Variants in ADGRA1 observed in about 807,000 individuals in gnomAD.
The protein encoded by ADGRA1 is adhesion G protein-coupled receptor A1, also known as G-protein coupled receptor 123.
Under a neutral mutation model 21.3 loss-of-function variants are expected in ADGRA1, and 12 were observed. The observed-to-expected ratio is 0.56, with a 90% CI of 0.36 to 0.91. The LOEUF (loss-of-function observed/expected upper bound fraction) is 0.91. ADGRA1 is among the 40% of genes least tolerant of loss of function. ADGRA1 has a pLI of 0.01. For synonymous variants in ADGRA1, 385 were observed against 368.8 expected (o/e 1.04, Z -0.50); for missense variants, 790 against 805.6 (o/e 0.98, Z 0.23).
At chr10:133,128,103 A>T in intron 6 of ADGRA1, among the ~76,000 whole-genome samples, 1 of 115,648 alleles carries the variant, frequency 8.6e-6, no homozygotes, top group East Asian at 2.8e-4. Context: ...CTCTACCCGC[A>T]CCTGGGACAC....
chr10:133,126,125 C>A (rs1378881793), intron 5 of ADGRA1, among the ~76,000 whole-genome samples: 1 of 152,254 alleles, frequency 6.6e-6, no homozygotes, highest in South Asian at 2.1e-4. Context: ...CAAGGCCCAC[C>A]GTGCAGGTCT....
chr10:133,093,398 G>A, intron 2 of ADGRA1: 1 of 1,096,474 alleles, frequency 9.1e-7, no homozygotes, highest in Non-Finnish European at 1.3e-6. Flanking sequence ...ATTAAAATGA[G>A]GGAAAACAGA....
intron 5 of ADGRA1, among the ~76,000 whole-genome samples, chr10:133,103,907 G>C (rs904420995): frequency 6.6e-6 from 1 of 152,198 alleles, no homozygotes; most frequent in South Asian, 2.1e-4. Context: ...GGGTTCCCTG[G>C]GGCTCCCTGA....
chr10:133,097,190 C>A, intron 3 of ADGRA1, 89 bp downstream of exon 3: 1 of 1,481,928 alleles, frequency 6.7e-7, no homozygotes, highest in Non-Finnish European at 9.3e-7. Flanking sequence ...AATGCCACTG[C>A]CCCCTCATGT....
chr10:133,128,881 G>C lies in ADGRA1; in HGVS notation c.1053G>C (p.Gln351His), dbSNP rs1395938111. The change falls in exon 7 of 7, where the codon CAG (glutamine) becomes CAC (histidine). Residue 351 changes from glutamine (Q) to histidine (H), a missense_variant. Physicochemically the swap from Gln to His is conservative, Grantham distance 24. This residue lies in a region of ADGRA1 where 391 missense variants were observed against 351.5 expected (regional missense o/e 1.11). Transcript: ENST00000392607. ...GCCTGCACTCGCCGGGACTGGGCCAGCCACGGGGCTTCGCGCACCCACCGG... is the reference window on the plus strand; with the variant it reads ...GCCTGCACTCGCCGGGACTGGGCCACCCACGGGGCTTCGCGCACCCACCGG... Reference protein sequence around the residue: ...AACLHSPGLGQPRGFAHPPGP... With the variant: ...AACLHSPGLGHPRGFAHPPGP... The C allele has an allele frequency of 6.4e-7, 1 of 1,568,366 alleles. No individual in the cohort carries two copies. The highest frequency in any genetic ancestry group is 1.1e-5 in the South Asian group (1 of 87,220).
chr10:133,129,480 C>T lies in ADGRA1; in HGVS notation c.1652C>T (p.Thr551Met). ...FGTDGTGNIRTGPWKNETTV is the reference protein window; with the variant it reads ...FGTDGTGNIRMGPWKNETTV ...ACCGACGGGACCGGCAACATCCGAA[C>T]GGGACCCTGGAAAAACGAAACTACT... The change falls in exon 7 of 7, where the codon ACG becomes ATG. Residue 551 changes from threonine to methionine, a missense_variant. By Grantham distance (81) the Thr-to-Met change is moderately conservative (BLOSUM62 -1). This residue lies in a region of ADGRA1 where 391 missense variants were observed against 351.5 expected (regional missense o/e 1.11). Coordinates refer to ENST00000392607, the MANE Select transcript of ADGRA1 (RefSeq NM_001083909.3). 3.1e-6 allele frequency: 5 copies of T among 1,598,044 alleles called. No individual in the cohort carries two copies. Among genetic ancestry groups the T allele is most frequent in the Admixed American group, 1.7e-5 (1 of 59,928 alleles).
intron 5 of ADGRA1, among the ~76,000 whole-genome samples, chr10:133,113,902 C>A (rs1194829412): frequency 1.3e-5 from 2 of 152,242 alleles, no homozygotes; most frequent in African/African-American, 4.8e-5. Flanking sequence ...TCCCACTTGG[C>A]CCTCTAGCCC....
In ADGRA1 at chr10:133,123,519, G is replaced by A. The variant is rs191837663; in HGVS notation, c.402-3714G>A. ...AGTCACCCCCTGTGAGCAGCAGCAC[G>A]CCCGTCCTGTAACTGTGTGTAGCTG... On this transcript the variant is annotated intron_variant, in intron 5 of 6. Transcript: ENST00000392607. 1.4e-3 allele frequency among the ~76,000 whole-genome samples: 220 copies of A among 152,272 alleles called. 1 individual carries two copies. Among genetic ancestry groups the A allele is most frequent in the African/African-American group, 4.6e-3 (192 of 41,550 alleles).
chr10:133,101,135 C>CTA (rs1457222711), intron 4 of ADGRA1, among the ~76,000 whole-genome samples: 9 of 152,190 alleles, frequency 5.9e-5, no homozygotes, highest in South Asian at 4.1e-4. Context: ...ACCTGAGGGT[C>CTA]TAGTAAAAAC....
chr10:133,127,463 G>A, intron 6 of ADGRA1, 132 bp downstream of exon 6: 2 of 686,814 alleles, frequency 2.9e-6, no homozygotes, highest in East Asian at 3.1e-5. Flanking sequence ...GGGGCTTGCC[G>A]AGAGCTGCGC....
intron 5 of ADGRA1, among the ~76,000 whole-genome samples, chr10:133,126,540 C>CA (rs1852377514): frequency 6.6e-6 from 1 of 152,178 alleles, no homozygotes; most frequent in South Asian, 2.1e-4. Flanking sequence ...GGGGTTGTCT[C>CA]ATGGGTCCGG....
Position 133,120,249 on chromosome 10 carries a change from C to CA in ADGRA1, c.402-6978dup, listed in dbSNP as rs1852229760. 3.3e-5 allele frequency among the ~76,000 whole-genome samples: 5 copies of CA among 152,080 alleles called. No individual in the cohort carries two copies. In the South Asian group the frequency reaches 1.0e-3, roughly 32 times the overall value. On this transcript the variant is annotated intron_variant, in intron 5 of 6. Coordinates refer to ENST00000392607, the MANE Select transcript of ADGRA1 (RefSeq NM_001083909.3). ...CAAAACCCAGTCTCAACAAAAAATA[C>CA]AAAAAATTAGCTGGGCGTGGTGGCA...
intron 4 of ADGRA1, among the ~76,000 whole-genome samples, chr10:133,101,021 G>T (rs1401996894): frequency 1.3e-5 from 2 of 152,238 alleles, no homozygotes; most frequent in East Asian, 3.9e-4. Context: ...TCTGCGAGGC[G>T]AACAGAAGCC....
chr10:133,109,284 C>T (rs969728099), intron 5 of ADGRA1, among the ~76,000 whole-genome samples: 1 of 152,152 alleles, frequency 6.6e-6, no homozygotes, highest in Admixed American at 6.5e-5. Flanking sequence ...CTCCCAGCCC[C>T]CGCTCCCTGG....
Position 133,128,738 on chromosome 10 carries a change from A to T in ADGRA1, c.910A>T (p.Ile304Phe). 1.2e-6 allele frequency: 2 copies of T among 1,612,086 alleles called. No individual in the cohort carries two copies. Among genetic ancestry groups the T allele is most frequent in the Non-Finnish European group, 1.7e-6 (2 of 1,179,562 alleles). The change falls in exon 7 of 7, where the codon ATC becomes TTC. Residue 304 changes from isoleucine to phenylalanine, a missense_variant. Coordinates refer to ENST00000392607, the MANE Select transcript of ADGRA1 (RefSeq NM_001083909.3). ...CGTGACCCTGGGACTCTTCGTGCTC[A>T]TCCACCACTGCGCCAAGCGTGAGGA... ...FCVTLGLFVL[I>F]HHCAKREDVW...
chr10:133,123,689 C>A (rs1038150357), intron 5 of ADGRA1, among the ~76,000 whole-genome samples: 2 of 146,864 alleles, frequency 1.4e-5, no homozygotes. Flanking sequence ...GGGCCGACGT[C>A]GAGTTGTGGG....
intron 2 of ADGRA1, among the ~76,000 whole-genome samples, chr10:133,095,191 G>A (rs1030281746): frequency 1.3e-5 from 2 of 152,174 alleles, no homozygotes; most frequent in Admixed American, 6.5e-5. Context: ...CTCACCCCAC[G>A]ACTGTTGCAG....
At chr10:133,092,719 A>G (rs2135863532) in intron 2 of ADGRA1, among the ~76,000 whole-genome samples, 1 of 151,258 alleles carries the variant, frequency 6.6e-6, no homozygotes, top group South Asian at 2.1e-4. Context: ...ACCAGGAAGA[A>G]GCACCTGAAT....
chr10:133,121,587 T>C (rs183087153), intron 5 of ADGRA1, among the ~76,000 whole-genome samples: 1 of 140,408 alleles, frequency 7.1e-6, no homozygotes, highest in South Asian at 2.3e-4. Context: ...TGTGCATGTG[T>C]GTGCCTGTGC....
Sources: allele counts gnomAD v4.1 joint callset (sites outside exome capture counted in the v4.1 genomes callset), GRCh38; gene constraint gnomAD v4.1.1; regional missense constraint gnomAD v4.1.1; transcripts MANE v1.5; gene names NCBI Gene and HGNC (gene_info 2026-07-23, HGNC 2026-07-21).